The following HDAC9 variants were observed in gnomAD, a reference collection of about 807,000 sequenced individuals.
HDAC9 encodes the protein histone deacetylase 9, also known as MEF-2 interacting transcription repressor (MITR) protein.
HDAC9 carries 41 observed loss-of-function variants against 139.4 expected under a neutral mutation model. The ratio of observed to expected loss-of-function variants is 0.29; its 90% confidence interval spans 0.23 to 0.38. The LOEUF is 0.38. Ranked by LOEUF, HDAC9 falls within the 10% of genes least tolerant of loss-of-function variation. HDAC9 has a pLI of 1.00. For missense variants in HDAC9, 1,147 were observed against 1,297.0 expected, an observed-to-expected ratio of 0.88 and a Z score of 1.78; for synonymous variants, 517 against 476.2, an observed-to-expected ratio of 1.09 and a Z score of -1.12.
intron 1 of HDAC9, among the ~76,000 whole-genome samples, chr7:18,095,900 T>A (rs923981759): frequency 1.7e-4 from 26 of 152,296 alleles, no homozygotes; most frequent in African/African-American, 6.0e-4. Context: ...ATTTCTATGT[T>A]TTATATCAAT....
intron 2 of HDAC9, among the ~76,000 whole-genome samples, chr7:18,538,344 G>A (rs780396585): frequency 6.6e-5 from 10 of 152,150 alleles, no homozygotes; most frequent in Non-Finnish European, 1.3e-4. Flanking sequence ...AAGTATGGTG[G>A]TATGTTAAGG....
intron 2 of HDAC9, among the ~76,000 whole-genome samples, chr7:18,170,801 C>T (rs1011392382): frequency 1.3e-5 from 2 of 152,206 alleles, no homozygotes; most frequent in South Asian, 2.1e-4. Flanking sequence ...TTCCATTGTT[C>T]TATATCTCTG....
At chr7:18,907,063 A>G (rs1802322759) in intron 22 of HDAC9, 1 of 152,204 alleles carries the variant, frequency 6.6e-6, no homozygotes. Context: ...AACCAGCTGC[A>G]AGTGCATCCA....
intron 1 of HDAC9, among the ~76,000 whole-genome samples, chr7:18,394,640 A>G (rs1047663744): frequency 1.3e-5 from 2 of 151,980 alleles, no homozygotes; most frequent in Non-Finnish European, 2.9e-5. Context: ...AAAGTTTCAC[A>G]AGTTATTTTA....
intron 17 of HDAC9, among the ~76,000 whole-genome samples, chr7:18,795,463 A>G (rs1792719351): frequency 6.6e-6 from 1 of 152,096 alleles, no homozygotes; most frequent in Non-Finnish European, 1.5e-5. Context: ...GCTATTTGCA[A>G]ATGAAAAGTG....
At chr7:18,687,843 T>C (rs969619735) in intron 12 of HDAC9, among the ~76,000 whole-genome samples, 1 of 151,846 alleles carries the variant, frequency 6.6e-6, no homozygotes, top group African/African-American at 2.4e-5. Flanking sequence ...TCATTGTATA[T>C]TGAGGTGTGG....
chr7:18,613,636 TATC>T (rs1837778327), intron 6 of HDAC9, among the ~76,000 whole-genome samples: 1 of 152,200 alleles, frequency 6.6e-6, no homozygotes, highest in Non-Finnish European at 1.5e-5. Flanking sequence ...CAAACTGTGA[TATC>T]ATTACCTATA....
At chr7:18,380,841 T>A (rs1463555381) in intron 1 of HDAC9, among the ~76,000 whole-genome samples, 1 of 152,178 alleles carries the variant, frequency 6.6e-6, no homozygotes, top group East Asian at 1.9e-4. Context: ...TCCAGCACTC[T>A]GGAGCTTAAG....
At chr7:18,921,993 C>T (rs912655603) in intron 22 of HDAC9, among the ~76,000 whole-genome samples, 1 of 149,188 alleles carries the variant, frequency 6.7e-6, no homozygotes, top group South Asian at 2.1e-4. Context: ...AAACCAAACA[C>T]CGCATATTCT....
chr7:18,424,642 C>T (rs1789943526), intron 1 of HDAC9, among the ~76,000 whole-genome samples: 1 of 152,216 alleles, frequency 6.6e-6, no homozygotes, highest in Non-Finnish European at 1.5e-5. Context: ...GGCGCAGTGG[C>T]TCATGCCTGT....
At chr7:18,885,237 C>A (rs773662229) in intron 22 of HDAC9, among the ~76,000 whole-genome samples, 15 of 152,174 alleles carry the variant, frequency 9.9e-5, no homozygotes, top group Non-Finnish European at 1.6e-4. Context: ...CCAGGAATGC[C>A]ACCCAACCTC....
At chr7:18,330,959 A>T (rs1800875822) in intron 1 of HDAC9, among the ~76,000 whole-genome samples, 1 of 151,712 alleles carries the variant, frequency 6.6e-6, no homozygotes, top group South Asian at 2.1e-4. Flanking sequence ...GAAATTTTAG[A>T]TCAAGGAGGA....
chr7:18,742,597 C>T (rs189498043), intron 13 of HDAC9, among the ~76,000 whole-genome samples: 10 of 152,132 alleles, frequency 6.6e-5, no homozygotes, highest in African/African-American at 2.4e-4. Context: ...CCCAGGTATT[C>T]CTGTATTTGG....
chr7:18,742,087 T>C (rs543008257), intron 13 of HDAC9, among the ~76,000 whole-genome samples: 2 of 152,302 alleles, frequency 1.3e-5, no homozygotes, highest in South Asian at 4.1e-4. Context: ...TTTAGAATAT[T>C]ACATAAACTT....
At chr7:18,648,189 C>G (rs1647144524) in intron 10 of HDAC9, among the ~76,000 whole-genome samples, 191 bp downstream of exon 10, 1 of 152,094 alleles carries the variant, frequency 6.6e-6, no homozygotes, top group Non-Finnish European at 1.5e-5. Context: ...GGTAGGAGGA[C>G]TCACCTCATT....
Position 18,644,670 on chromosome 7 carries a change from G to A in HDAC9, c.913-1G>A. ...TTGAGACTCTCCTCTTTTTTTAACA[G>A]CAAATGGTTTCACAGCAACGCATTC... On this transcript the variant is annotated splice_acceptor_variant, in intron 8 of 25. Transcript: ENST00000686413. LOFTEE classifies it high-confidence loss of function. 6.2e-7 allele frequency: 1 copy of A among 1,605,344 alleles called. No homozygotes were observed. The highest frequency in any genetic ancestry group is 8.5e-7 in the Non-Finnish European group (1 of 1,176,016).
intron 2 of HDAC9, among the ~76,000 whole-genome samples, chr7:18,251,614 C>G (rs1794922063): frequency 6.6e-6 from 1 of 152,106 alleles, no homozygotes; most frequent in African/African-American, 2.4e-5. Context: ...TTGTGACACT[C>G]TAAAAACAAA....
At chr7:18,613,757 TC>T (rs1463435610) in intron 6 of HDAC9, among the ~76,000 whole-genome samples, 5 of 152,216 alleles carry the variant, frequency 3.3e-5, no homozygotes, top group African/African-American at 1.2e-4. Context: ...TTTGGTCTCT[TC>T]TAAATCAGTG....
At chr7:18,405,017 C>T (rs1787880347) in intron 1 of HDAC9, among the ~76,000 whole-genome samples, 1 of 152,184 alleles carries the variant, frequency 6.6e-6, no homozygotes, top group South Asian at 2.1e-4. Context: ...TATGTGGACA[C>T]ACCAATTCAC....
Sources: allele counts gnomAD v4.1 joint callset (sites outside exome capture counted in the v4.1 genomes callset), GRCh38; gene constraint gnomAD v4.1.1; transcripts MANE v1.5; gene names NCBI Gene and HGNC (gene_info 2026-07-23, HGNC 2026-07-21).